Variants in TNS1 observed in about 807,000 individuals in gnomAD.
TNS1 encodes tensin 1, also known as tensin-1.
A neutral mutation model predicts 168.6 loss-of-function variants in TNS1; 62 were observed. That is an observed-to-expected ratio of 0.37 (90% CI 0.30 to 0.45). The LOEUF is 0.45. Ranked by LOEUF, TNS1 falls within the 20% of genes least tolerant of loss-of-function variation. The probability of loss-of-function intolerance (pLI) is 1.00; values close to 1 mark genes in which losing one functional copy is unlikely to be tolerated. For missense variants in TNS1, 2,240 were observed against 2,339.4 expected (o/e 0.96, Z 0.88); for synonymous variants, 934 against 933.2 (o/e 1.00, Z -0.02).
chr2:217,884,691 C>T (rs879104601), intron 16 of TNS1, among the ~76,000 whole-genome samples: 3 of 151,068 alleles, frequency 2.0e-5, no homozygotes, highest in East Asian at 1.9e-4. Flanking sequence ...AAGCAGATGC[C>T]CAGTGAATGT....
At chr2:217,962,438 C>T (rs1166127857) in intron 3 of TNS1, among the ~76,000 whole-genome samples, 1 of 151,970 alleles carries the variant, frequency 6.6e-6, no homozygotes, top group Non-Finnish European at 1.5e-5. Context: ...AGCGAAACTC[C>T]ATCTCAAAAA....
At chr2:217,830,269 G>C in intron 22 of TNS1, 1 of 1,490,216 alleles carries the variant, frequency 6.7e-7, no homozygotes, top group Non-Finnish European at 9.3e-7. Flanking sequence ...CTGATCCCCC[G>C]TGGCTCAGTG....
intron 18 of TNS1, among the ~76,000 whole-genome samples, chr2:217,874,021 C>G (rs1950001700): frequency 1.1e-5 from 1 of 90,584 alleles, no homozygotes; most frequent in Non-Finnish European, 2.1e-5. Flanking sequence ...CGCCCCCCAA[C>G]CAACACACAC....
At chr2:217,967,768 A>C (rs1445499186) in intron 3 of TNS1, among the ~76,000 whole-genome samples, 1 of 152,220 alleles carries the variant, frequency 6.6e-6, no homozygotes, top group African/African-American at 2.4e-5. Flanking sequence ...AATTCTTTAC[A>C]AATTCTTCCA....
chr2:218,029,311 C>G (rs1372841170), intron 1 of TNS1, among the ~76,000 whole-genome samples: 1 of 152,196 alleles, frequency 6.6e-6, no homozygotes, highest in Admixed American at 6.5e-5. Context: ...CATCCCTCAC[C>G]CCCATCAAGG....
Position 217,986,772 on chromosome 2 carries a change from C to CACGT in TNS1, c.148+4166_148+4169dup, listed in dbSNP as rs1417075000. On this transcript the variant is annotated intron_variant, in intron 2 of 32. Coordinates refer to ENST00000682258, the MANE Select transcript of TNS1 (RefSeq NM_001387777.1). This position sits in a 1 kb window ranked among gnomAD's most constrained non-coding sequence, Gnocchi z 4.7. ...ACACACACACACACACGCACGCACGCACGTACCTGTGTCAGCTTTGGTACC... is the reference window on the plus strand; with the variant it reads ...ACACACACACACACACGCACGCACGCACGTACGTACCTGTGTCAGCTTTGGTACC... 1.3e-5 allele frequency: 2 copies of CACGT among 152,070 alleles called. No homozygotes were observed. The highest frequency in any genetic ancestry group is 3.8e-4 in the East Asian group (2 of 5,200). 9.4% of individuals were successfully genotyped at this position (152,070 alleles called of 1,614,324 possible). A position where few individuals can be genotyped will look rare whatever the true frequency, so the allele number is the denominator to read the frequency against.
Position 217,830,402 on chromosome 2 carries a change from A to T in TNS1, c.3373+1053T>A, listed in dbSNP as rs544370169. On this transcript the variant is annotated intron_variant, in intron 22 of 32. Coordinates refer to ENST00000682258, the MANE Select transcript of TNS1 (RefSeq NM_001387777.1). ...CCGTCTTCTGGTAACTAAGGAAAAA[A>T]GTAAAGTTGACCCCAATAGCCCCCA... is the stretch of plus-strand genomic sequence containing the variant. The T allele has an allele frequency of 3.1e-6, 5 of 1,614,028 alleles. No individual in the cohort carries two copies. In the South Asian group the frequency reaches 5.5e-5, roughly 18 times the overall value.
intron 3 of TNS1, 56 bp downstream of exon 3, chr2:217,978,709 C>A (rs1205099065): frequency 7.2e-6 from 5 of 693,004 alleles, no homozygotes; most frequent in Non-Finnish European, 1.1e-5. Flanking sequence ...CAATCTGGGA[C>A]CCCGAGCCAG....
Position 217,838,393 on chromosome 2 carries a change from G to T in TNS1, c.3008-2182C>A, listed in dbSNP as rs554120116. On this transcript the variant is annotated intron_variant, in intron 19 of 32. Coordinates refer to ENST00000682258, the MANE Select transcript of TNS1 (RefSeq NM_001387777.1). ...CACCTGACATCCGTAGAGAATGTGA[G>T]ATCCTGGCATGAGGCAGTCAGCCAT... is the stretch of plus-strand genomic sequence containing the variant. 2.6e-5 allele frequency among the ~76,000 whole-genome samples: 4 copies of T among 152,362 alleles called. No homozygotes were observed. In the South Asian group the frequency reaches 8.3e-4, roughly 32 times the overall value.
At chr2:217,977,078 T>C (rs1023367075) in intron 3 of TNS1, among the ~76,000 whole-genome samples, 11 of 152,220 alleles carry the variant, frequency 7.2e-5, no homozygotes, top group African/African-American at 2.7e-4. Context: ...TGATAATGCA[T>C]GTGAAATGCT....
intron 8 of TNS1, among the ~76,000 whole-genome samples, chr2:217,896,399 G>T (rs1439021819): frequency 6.6e-6 from 1 of 152,192 alleles, no homozygotes; most frequent in African/African-American, 2.4e-5. Flanking sequence ...ATCTAGGGTG[G>T]ACCCTAAGTC....
chr2:217,976,131 A>G (rs140384809), intron 3 of TNS1, among the ~76,000 whole-genome samples: 1,747 of 152,210 alleles, frequency 0.011, 12 homozygotes, highest in South Asian at 0.021. Flanking sequence ...AGAATTCTCT[A>G]ACCCATTGCT....
chr2:217,921,638 C>T (rs759691709), intron 3 of TNS1, among the ~76,000 whole-genome samples: 1 of 152,140 alleles, frequency 6.6e-6, no homozygotes, highest in Non-Finnish European at 1.5e-5. Flanking sequence ...ACTCCCTGCC[C>T]AACTCATTCT....
At chr2:217,940,986 G>A (rs555747904) in intron 3 of TNS1, among the ~76,000 whole-genome samples, 192 of 152,216 alleles carry the variant, frequency 1.3e-3, no homozygotes, top group African/African-American at 3.9e-3. Flanking sequence ...ACCCTCCTAA[G>A]AGGCCCTTGA....
chr2:217,980,760 G>T (rs1958028702), intron 2 of TNS1, among the ~76,000 whole-genome samples: 1 of 152,062 alleles, frequency 6.6e-6, no homozygotes, highest in South Asian at 2.1e-4. Flanking sequence ...CACAATGGGG[G>T]CCGGGACTCC....
At chr2:217,853,303 A>C (rs1947752905) in intron 18 of TNS1, among the ~76,000 whole-genome samples, 1 of 152,146 alleles carries the variant, frequency 6.6e-6, no homozygotes, top group Non-Finnish European at 1.5e-5. Context: ...TCTTAATCTG[A>C]GGGGTCTCCA....
chr2:217,989,656 C>T (rs149204921), intron 2 of TNS1, among the ~76,000 whole-genome samples: 11 of 152,028 alleles, frequency 7.2e-5, no homozygotes, highest in Non-Finnish European at 1.3e-4. Flanking sequence ...ATGAAAATAG[C>T]GATTGAAAAG....
intron 18 of TNS1, among the ~76,000 whole-genome samples, chr2:217,879,914 G>T (rs931565836): frequency 1.3e-5 from 2 of 152,194 alleles, no homozygotes; most frequent in Non-Finnish European, 2.9e-5. Flanking sequence ...GAAGCCAGAC[G>T]CTGGGTGCTG....
chr2:217,934,867 G>A (rs184227955), intron 3 of TNS1, among the ~76,000 whole-genome samples: 10 of 152,346 alleles, frequency 6.6e-5, no homozygotes, highest in African/African-American at 2.4e-4. Flanking sequence ...CCAAGACTAG[G>A]AGCCTCTCTG....
Sources: gnomAD v4.1 joint callset for allele counts (sites outside exome capture counted in the v4.1 genomes callset) on GRCh38, gnomAD v4.1.1 for gene constraint, Gnocchi (gnomAD v3.1) non-coding constraint, MANE v1.5 for transcripts, NCBI Gene and HGNC (gene_info 2026-07-23, HGNC 2026-07-21) for gene names.